Variants in SLC45A1 observed in about 807,000 individuals in gnomAD.
The protein encoded by SLC45A1 is proton-associated sugar transporter A.
In SLC45A1, 28 loss-of-function variants were observed where a neutral mutation model predicts 57.6. The ratio of observed to expected loss-of-function variants is 0.49; its 90% CI spans 0.36 to 0.67. SLC45A1 has a LOEUF of 0.67. Among genes scored for constraint, SLC45A1 ranks in the 30% least tolerant of loss-of-function variants. The pLI is 0.00. For synonymous variants in SLC45A1, 459 were observed against 471.5 expected, an observed-to-expected ratio of 0.97 and a Z score of 0.34; for missense variants, 814 against 1,041.5, an observed-to-expected ratio of 0.78 and a Z score of 3.01.
At position 8,325,485 on chromosome 1, in the gene SLC45A1, C is replaced by T; in HGVS notation, c.490+95C>T. 3 of 903,000 alleles carry T rather than the reference C, an allele frequency of 3.3e-6. No individual in the cohort carries two copies. The Admixed American group carries it at 7.0e-5, about 21-fold the overall frequency. 55.9% of individuals were successfully genotyped at this position (903,000 alleles called of 1,614,324 possible). A position where few individuals can be genotyped will look rare whatever the true frequency, so the allele number is the denominator to read the frequency against. On this transcript the variant is annotated intron_variant, in intron 3 of 8. Transcript: ENST00000471889. The surrounding 1 kb of genome is among the most constrained non-coding windows in gnomAD (Gnocchi z 6.3). Reference sequence around the variant, plus strand: ...AAATTTTAAAAAATGTTGACCAAAGCAGTTACCCAGATAGCTCTGGGCCCG... The same window carrying T: ...AAATTTTAAAAAATGTTGACCAAAGTAGTTACCCAGATAGCTCTGGGCCCG...
intron 8 of SLC45A1, among the ~76,000 whole-genome samples, chr1:8,340,064 A>G (rs986711803): frequency 1.5e-4 from 23 of 152,224 alleles, no homozygotes; most frequent in African/African-American, 5.1e-4. Flanking sequence ...TGAAGCTCGG[A>G]AAACTCAGCA....
rs1483581214 is a variant in SLC45A1, at chr1:8,343,614, T to C, written c.1981-133T>C. ...AACTCTTGGCTGAACTCCCTGTGCA[T>C]GTTGGCGCTGAAAAATGTGAGGCCG... On this transcript the variant is annotated intron_variant, in intron 8 of 8. Transcript: ENST00000471889. This position sits in a 1 kb window ranked among gnomAD's most constrained non-coding sequence, Gnocchi z 7.7. 1 of 866,278 alleles carries C rather than the reference T, an allele frequency of 1.2e-6. No individual in the cohort carries two copies. Among genetic ancestry groups the C allele is most frequent in the Non-Finnish European group, 1.8e-6 (1 of 560,798 alleles). The allele number at this position is 866,278 out of a possible 1,614,324, so 53.7% of individuals were successfully genotyped here.
At chr1:8,342,890 C>A (rs1475639138) in intron 8 of SLC45A1, among the ~76,000 whole-genome samples, 1 of 98,526 alleles carries the variant, frequency 1.0e-5, no homozygotes, top group East Asian at 2.8e-4. Context: ...CAGAGCAAGA[C>A]CCTGTCTCAA....
intron 5 of SLC45A1, among the ~76,000 whole-genome samples, chr1:8,334,931 C>CCCCTG (rs1426970103): frequency 1.3e-5 from 2 of 152,106 alleles, no homozygotes; most frequent in Non-Finnish European, 2.9e-5. Flanking sequence ...GCTCTCTGAG[C>CCCCTG]CCCTGTCAAG....
At chr1:8,334,645 G>A (rs1215744251) in intron 5 of SLC45A1, among the ~76,000 whole-genome samples, 1 of 152,090 alleles carries the variant, frequency 6.6e-6, no homozygotes, top group Non-Finnish European at 1.5e-5. Flanking sequence ...CGAGGCTGCA[G>A]TGAGCCATGA....
At chr1:8,340,381 C>T (rs1335095933) in intron 8 of SLC45A1, among the ~76,000 whole-genome samples, 3 of 152,096 alleles carry the variant, frequency 2.0e-5, no homozygotes, top group Non-Finnish European at 2.9e-5. Flanking sequence ...TCAGGCTGGT[C>T]TCAATCTCTT....
intron 5 of SLC45A1, among the ~76,000 whole-genome samples, chr1:8,333,858 G>A (rs998340641): frequency 6.6e-6 from 1 of 152,250 alleles, no homozygotes; most frequent in Non-Finnish European, 1.5e-5. Flanking sequence ...CCAGGCATGC[G>A]CAGGCCTCAC....
rs1249924987 is a variant in SLC45A1 at position 8,335,887 on chromosome 1, C to T, written c.1597+297C>T. ...AGCCAAAATTCTCACTACCAGAAGC[C>T]CTTTGGACAACTCCACAGTGAAATG... On this transcript the variant is annotated intron_variant, in intron 6 of 8. Coordinates refer to ENST00000471889, the MANE Select transcript of SLC45A1 (RefSeq NM_001080397.3). The surrounding 1 kb of genome is among the most constrained non-coding windows in gnomAD (Gnocchi z 4.1). 1.3e-5 allele frequency among the ~76,000 whole-genome samples: 2 copies of T among 152,168 alleles called. No individual in the cohort carries two copies. The highest frequency in any genetic ancestry group is 4.8e-5 in the African/African-American group (2 of 41,448).
chr1:8,342,570 C>T (rs1335317548), intron 8 of SLC45A1, among the ~76,000 whole-genome samples: 2 of 152,168 alleles, frequency 1.3e-5, no homozygotes, highest in African/African-American at 2.4e-5. Flanking sequence ...CTGTGGGCTT[C>T]GAGCTCCATC....
intron 6 of SLC45A1, chr1:8,336,138 G>A (rs112661778): frequency 0.029 from 4,486 of 152,494 alleles, 229 homozygotes; most frequent in African/African-American, 0.1. Context: ...GAGGCCAGGC[G>A]CGGTGGCTCA....
In SLC45A1 at chr1:8,337,907, A is replaced by T; in HGVS notation, c.1689A>T (p.Ser563=). ...FQGDPKAPHT[S]EAYQKYNSGV... Reference sequence around the variant, plus strand: ...GGGACCCCAAGGCCCCGCACACATCAGAGGCGTATCAGAAGTACAACAGCG... The same window carrying T: ...GGGACCCCAAGGCCCCGCACACATCTGAGGCGTATCAGAAGTACAACAGCG... The change falls in exon 7 of 9, where the codon TCA becomes TCT. Residue 563 remains serine, a synonymous_variant. Transcript: ENST00000471889. The T allele has an allele frequency of 6.2e-7, 1 of 1,614,136 alleles. No homozygotes were observed. The highest frequency in any genetic ancestry group is 8.5e-7 in the Non-Finnish European group (1 of 1,180,020).
chr1:8,339,676 G>T lies in SLC45A1; in HGVS notation c.1958G>T (p.Cys653Phe), dbSNP rs201621911. The T allele has an allele frequency of 6.2e-7, 1 of 1,614,162 alleles. No homozygotes were observed. The highest frequency in any genetic ancestry group is 1.3e-5 in the African/African-American group (1 of 75,042). Residue 653 changes from cysteine (C) to phenylalanine (F), a missense_variant, in exon 8 of 9, where the codon TGC (cysteine) becomes TTC (phenylalanine). Transcript: ENST00000471889. ...TGCACCTTGCCTTACTCGCTGCTCTGCGATTACTATCAGAGTAAGAAGGTA... is the reference window on the plus strand; with the variant it reads ...TGCACCTTGCCTTACTCGCTGCTCTTCGATTACTATCAGAGTAAGAAGGTA... ...TLCTLPYSLL[C>F]DYYQSKKFAG...
At chr1:8,320,029 T>C (rs1161111782) in intron 1 of SLC45A1, among the ~76,000 whole-genome samples, 1 of 152,186 alleles carries the variant, frequency 6.6e-6, no homozygotes, top group Non-Finnish European at 1.5e-5. Flanking sequence ...CAAAAATGAG[T>C]TTCTAAAATT....
chr1:8,318,249 GC>G, intron 1 of SLC45A1, 63 bp downstream of exon 1: 1 of 411,812 alleles, frequency 2.4e-6, no homozygotes, highest in Non-Finnish European at 4.4e-6. Flanking sequence ...GGGGCGCCGC[GC>G]CCTGGGCCCC....
Position 8,325,852 on chromosome 1 carries a change from C to T in SLC45A1, c.525C>T (p.Gly175=). 6.2e-7 allele frequency: 1 copy of T among 1,613,888 alleles called. No individual in the cohort carries two copies. Among genetic ancestry groups the T allele is most frequent in the East Asian group, 2.2e-5 (1 of 44,882 alleles). The change falls in exon 4 of 9, where the codon GGC becomes GGT. Residue 175 remains glycine (G), a synonymous_variant. Coordinates refer to ENST00000471889, the MANE Select transcript of SLC45A1 (RefSeq NM_001080397.3). This position sits in a 1 kb window ranked among gnomAD's most constrained non-coding sequence, Gnocchi z 6.3. ...ALLGLSLLLN[G]RDIGIALADV... is the part of the protein sequence containing the mutation. ...TGGGCCTCTCGCTCTTGCTGAATGGCCGGGACATTGGCATCGCCCTGGCTG... is the reference window on the plus strand; with the variant it reads ...TGGGCCTCTCGCTCTTGCTGAATGGTCGGGACATTGGCATCGCCCTGGCTG...
At chr1:8,342,202 G>A (rs967995311) in intron 8 of SLC45A1, among the ~76,000 whole-genome samples, 31 of 152,348 alleles carry the variant, frequency 2.0e-4, no homozygotes, top group East Asian at 5.8e-4. Context: ...GTGAGACTCC[G>A]TCTCAAATAA....
rs9628987 is a variant in SLC45A1, at chr1:8,326,670, A to G, written c.715+628A>G. On this transcript the variant is annotated intron_variant, in intron 4 of 8. Coordinates refer to ENST00000471889, the MANE Select transcript of SLC45A1 (RefSeq NM_001080397.3). This position sits in a 1 kb window ranked among gnomAD's most constrained non-coding sequence, Gnocchi z 5.5. The stretch of plus-strand genomic sequence containing the variant: ...AAAAATGTAAAAAAGGTGGCACTAA[A>G]TAGACCACACAAAAAACTCTTGTTT... 4.6e-5 allele frequency among the ~76,000 whole-genome samples: 7 copies of G among 152,264 alleles called. No homozygotes were observed. Among genetic ancestry groups the G allele is most frequent in the South Asian group, 2.1e-4 (1 of 4,828 alleles).
intron 5 of SLC45A1, among the ~76,000 whole-genome samples, chr1:8,333,140 CAGGG>C (rs1344107742): frequency 6.6e-6 from 1 of 152,098 alleles, no homozygotes; most frequent in East Asian, 1.9e-4. Context: ...ATTCTCCCGT[CAGGG>C]GTTCAGGTGT....
chr1:8,339,345 G>A, intron 7 of SLC45A1, 148 bp from the exon 8 acceptor site: 1 of 708,544 alleles, frequency 1.4e-6, no homozygotes, highest in Non-Finnish European at 2.4e-6. Context: ...GGTTCCCCAG[G>A]AAGTACTTTC....
Sources: gnomAD v4.1 joint callset for allele counts (sites outside exome capture counted in the v4.1 genomes callset) on GRCh38, gnomAD v4.1.1 for gene constraint, Gnocchi (gnomAD v3.1) non-coding constraint, MANE v1.5 for transcripts, NCBI Gene and HGNC (gene_info 2026-07-23, HGNC 2026-07-21) for gene names.